Variants in CORO2A observed in about 807,000 individuals in gnomAD.
CORO2A encodes coronin-2A.
In CORO2A, 47 loss-of-function variants were observed where a neutral mutation model predicts 62.4. The ratio of observed to expected loss-of-function variants is 0.75; its 90% CI spans 0.60 to 0.96. The LOEUF (loss-of-function observed/expected upper bound fraction) is 0.96. Ranked by LOEUF, CORO2A falls within the 40% of genes least tolerant of loss-of-function variation. CORO2A has a pLI of 0.00. For synonymous variants in CORO2A, 273 were observed against 268.9 expected, an observed-to-expected ratio of 1.02 and a Z score of -0.15; for missense variants, 610 against 684.1, an observed-to-expected ratio of 0.89 and a Z score of 1.21.
chr9:98,134,759 G>A (rs764789729), intron 4 of CORO2A, 47 bp downstream of exon 4: 3 of 1,543,344 alleles, frequency 1.9e-6, no homozygotes, highest in Admixed American at 4.0e-5. Context: ...ATTCCAGTTT[G>A]TGGGAACTTG....
rs137965398 is a variant in CORO2A, at chr9:98,191,737, G to A, written c.-1+822C>T. Among the ~76,000 whole-genome samples the A allele has an allele frequency of 3.2e-3, 487 of 152,282 alleles. 3 individuals carry two copies. Among genetic ancestry groups the A allele is most frequent in the African/African-American group, 0.011 (461 of 41,558 alleles). ...GCTCTGCCCCATCCCTTAATGCCAC[G>A]CGGACACAGCACCTTGGCACTGTCA... On this transcript the variant is annotated intron_variant, in intron 1 of 11. Coordinates refer to ENST00000375077, the MANE Select transcript of CORO2A (RefSeq NM_052820.4).
At chr9:98,159,321 T>G (rs1033823080) in intron 1 of CORO2A, among the ~76,000 whole-genome samples, 1 of 152,146 alleles carries the variant, frequency 6.6e-6, no homozygotes, top group African/African-American at 2.4e-5. Context: ...AGGTTGGGAT[T>G]AAAGGCGTGA....
At chr9:98,159,616 G>A (rs1437784032) in intron 1 of CORO2A, among the ~76,000 whole-genome samples, 10 of 150,808 alleles carry the variant, frequency 6.6e-5, no homozygotes, top group Non-Finnish European at 1.3e-4. Flanking sequence ...ATCCAAATCC[G>A]CCCCTTCCCT....
At chr9:98,137,275 A>C (rs922714264) in intron 3 of CORO2A, among the ~76,000 whole-genome samples, 6 of 152,218 alleles carry the variant, frequency 3.9e-5, no homozygotes, top group Non-Finnish European at 8.8e-5. Flanking sequence ...AGCTCCCCGA[A>C]GGATGGGTTT....
intron 2 of CORO2A, among the ~76,000 whole-genome samples, chr9:98,153,042 A>G (rs1827748178): frequency 6.6e-6 from 1 of 152,240 alleles, no homozygotes; most frequent in Non-Finnish European, 1.5e-5. Flanking sequence ...TCTCGTTCTT[A>G]GAAGATACAG....
At chr9:98,153,166 C>A (rs1347383975) in intron 2 of CORO2A, among the ~76,000 whole-genome samples, 2 of 152,048 alleles carry the variant, frequency 1.3e-5, no homozygotes, top group Non-Finnish European at 2.9e-5. Flanking sequence ...GTGGCACGAT[C>A]TCAGCTCATT....
In CORO2A at chr9:98,125,016, G is replaced by A. The variant is rs1278928108; in HGVS notation, c.1447-111C>T. 6.4e-6 allele frequency: 8 copies of A among 1,247,960 alleles called. No individual in the cohort carries two copies. In the Admixed American group the frequency reaches 7.2e-5, roughly 11 times the overall value. The allele number at this position is 1,247,960 out of a possible 1,614,324, so 77.3% of individuals were successfully genotyped here. On this transcript the variant is annotated intron_variant, in intron 11 of 11. Coordinates refer to ENST00000375077, the MANE Select transcript of CORO2A (RefSeq NM_052820.4). Reference sequence around the variant, plus strand: ...AAGGTGGAGGCGGTCACATTAACATGGCTGAGGCCTGATGGGGCTGTCACT... The same window carrying A: ...AAGGTGGAGGCGGTCACATTAACATAGCTGAGGCCTGATGGGGCTGTCACT...
intron 1 of CORO2A, among the ~76,000 whole-genome samples, chr9:98,166,605 C>T (rs550811577): frequency 1.4e-4 from 22 of 152,248 alleles, no homozygotes; most frequent in South Asian, 1.2e-3. Context: ...AAAGATAGTA[C>T]GGCAGTTCAT....
At chr9:98,179,472 C>A (rs1828148931) in intron 1 of CORO2A, among the ~76,000 whole-genome samples, 1 of 152,210 alleles carries the variant, frequency 6.6e-6, no homozygotes, top group African/African-American at 2.4e-5. Context: ...CTGTCCTCAT[C>A]TCAGATCCCA....
chr9:98,152,335 G>A (rs563200485), intron 2 of CORO2A, among the ~76,000 whole-genome samples: 1 of 152,012 alleles, frequency 6.6e-6, no homozygotes, highest in East Asian at 1.9e-4. Context: ...TGTCACCTAG[G>A]CTGGAGTGCA....
At chr9:98,143,240 T>C (rs1338884483) in intron 2 of CORO2A, among the ~76,000 whole-genome samples, 2 of 151,808 alleles carry the variant, frequency 1.3e-5, no homozygotes, top group African/African-American at 4.8e-5. Context: ...CCAGGAGGAG[T>C]CAGGCGGGTG....
intron 2 of CORO2A, among the ~76,000 whole-genome samples, chr9:98,139,321 G>A (rs190549721): frequency 7.9e-5 from 12 of 151,950 alleles, no homozygotes; most frequent in Middle Eastern, 3.4e-3. Flanking sequence ...ACAAAACCCC[G>A]TCTCTACAAA....
chr9:98,169,506 A>G (rs1381536190), intron 1 of CORO2A, among the ~76,000 whole-genome samples: 1 of 150,684 alleles, frequency 6.6e-6, no homozygotes, highest in African/African-American at 2.4e-5. Flanking sequence ...CAGGCCTCGC[A>G]TATTCCACCC....
intron 1 of CORO2A, among the ~76,000 whole-genome samples, chr9:98,185,825 C>G (rs921061579): frequency 2.6e-5 from 4 of 152,240 alleles, no homozygotes; most frequent in Non-Finnish European, 5.9e-5. Flanking sequence ...CAAGGCCACT[C>G]AGTGTCTGAG....
chr9:98,159,235 T>TG (rs1811419271), intron 1 of CORO2A, among the ~76,000 whole-genome samples: 1 of 151,806 alleles, frequency 6.6e-6, no homozygotes, highest in Admixed American at 6.6e-5. Context: ...ATTAAAAAAA[T>TG]TTTTTTTCTT....
At chr9:98,171,626 G>A (rs1828037633) in intron 1 of CORO2A, among the ~76,000 whole-genome samples, 1 of 152,132 alleles carries the variant, frequency 6.6e-6, no homozygotes. Flanking sequence ...GGGAGGATAC[G>A]ACTGAGCTGA....
chr9:98,161,411 G>A (rs1166245014), intron 1 of CORO2A, among the ~76,000 whole-genome samples: 1 of 152,080 alleles, frequency 6.6e-6, no homozygotes, highest in Non-Finnish European at 1.5e-5. Context: ...AAAATTAGCC[G>A]GGTGTGGTGG....
intron 9 of CORO2A, 29 bp from the exon 10 acceptor site, chr9:98,128,289 G>A (rs1218477880): frequency 6.4e-7 from 1 of 1,572,734 alleles, no homozygotes; most frequent in Non-Finnish European, 8.7e-7. Flanking sequence ...CAGTGAGGAG[G>A]GTGGTAGGGT....
At chr9:98,179,657 G>A (rs1411592395) in intron 1 of CORO2A, among the ~76,000 whole-genome samples, 4 of 152,156 alleles carry the variant, frequency 2.6e-5, no homozygotes, top group Non-Finnish European at 5.9e-5. Context: ...AGGGCAGGAG[G>A]GAGGTGAGCA....
Sources: gnomAD v4.1 joint callset for allele counts (sites outside exome capture counted in the v4.1 genomes callset) on GRCh38, gnomAD v4.1.1 for gene constraint, MANE v1.5 for transcripts, NCBI Gene and HGNC (gene_info 2026-07-23, HGNC 2026-07-21) for gene names.